SGCG: variants seen among roughly 807,000 people sequenced by gnomAD.
SGCG encodes the protein sarcoglycan gamma.
Under a neutral mutation model 29.3 loss-of-function variants are expected in SGCG, and 26 were observed. The observed-to-expected ratio is 0.89, with a 90% confidence interval of 0.65 to 1.23. SGCG has a LOEUF of 1.23. SGCG is among the 50% of genes most tolerant of loss of function. SGCG has a pLI of 0.00. For missense variants in SGCG, 353 were observed against 356.0 expected, an observed-to-expected ratio of 0.99 and a Z score of 0.07; for synonymous variants, 145 against 129.7, an observed-to-expected ratio of 1.12 and a Z score of -0.80.
chr13:23,196,143 A>G (rs577744557), intron 1 of SGCG, among the ~76,000 whole-genome samples: 2 of 152,254 alleles, frequency 1.3e-5, no homozygotes, highest in Non-Finnish European at 2.9e-5. Flanking sequence ...TATTTCACAT[A>G]CCCAAAATAC....
chr13:23,169,540 A>G, the SGCG span, among the ~76,000 whole-genome samples: 1 of 152,042 alleles, frequency 6.6e-6, no homozygotes, highest in Non-Finnish European at 1.5e-5. Flanking sequence ...TTAGTTGGGC[A>G]TAGTGGTGCA....
At chr13:23,313,365 A>G (rs948652447) in intron 6 of SGCG, among the ~76,000 whole-genome samples, 7 of 152,062 alleles carry the variant, frequency 4.6e-5, no homozygotes, top group Non-Finnish European at 7.4e-5. Context: ...GGGTTTCACC[A>G]TATTGGCCAG....
chr13:23,230,802 C>G (rs1593186043), intron 2 of SGCG, among the ~76,000 whole-genome samples: 3 of 152,146 alleles, frequency 2.0e-5, no homozygotes, highest in Admixed American at 2.0e-4. Flanking sequence ...ATTGCTCTGA[C>G]CAGGACCTCT....
chr13:23,293,320 A>G (rs1008766433), intron 5 of SGCG, among the ~76,000 whole-genome samples: 1 of 152,130 alleles, frequency 6.6e-6, no homozygotes, highest in East Asian at 1.9e-4. Context: ...AAATCATCCT[A>G]CTAAATCTGT....
At chr13:23,248,776 A>G (rs1354508440) in intron 3 of SGCG, among the ~76,000 whole-genome samples, 1 of 151,814 alleles carries the variant, frequency 6.6e-6, no homozygotes, top group African/African-American at 2.4e-5. Flanking sequence ...GCGGATCACG[A>G]GGTCAGGAAA....
intron 4 of SGCG, 131 bp from the exon 5 acceptor site, chr13:23,279,228 T>C: frequency 1.3e-6 from 1 of 797,660 alleles, no homozygotes; most frequent in East Asian, 2.9e-5. Flanking sequence ...AATCAATCAA[T>C]ACCACTAATG....
At chr13:23,188,256 G>A (rs1400439884) in intron 1 of SGCG, among the ~76,000 whole-genome samples, 1 of 147,816 alleles carries the variant, frequency 6.8e-6, no homozygotes, top group Non-Finnish European at 1.5e-5. Flanking sequence ...AAGTTGGCAG[G>A]TTCAGATCTT....
At chr13:23,248,090 C>CA (rs1202618903) in intron 3 of SGCG, among the ~76,000 whole-genome samples, 3 of 150,584 alleles carry the variant, frequency 2.0e-5, no homozygotes, top group African/African-American at 7.3e-5. Context: ...GCCTAGGCAA[C>CA]ATAGTGAGAC....
chr13:23,175,975 T>G, the SGCG span, among the ~76,000 whole-genome samples: 1 of 152,190 alleles, frequency 6.6e-6, no homozygotes, highest in Non-Finnish European at 1.5e-5. Context: ...TCATTTTGTT[T>G]ATGTGAAAGA....
At chr13:23,246,960 G>A (rs1477426605) in intron 3 of SGCG, 1 of 153,274 alleles carries the variant, frequency 6.5e-6, no homozygotes, top group Non-Finnish European at 1.5e-5. Flanking sequence ...CTCTTCTGCT[G>A]AGCAAGCCCG....
chr13:23,219,862 C>T (rs1267332485), intron 2 of SGCG, among the ~76,000 whole-genome samples: 2 of 120,258 alleles, frequency 1.7e-5, no homozygotes, highest in Non-Finnish European at 3.2e-5. Flanking sequence ...GACGGAGTCT[C>T]GCTCTGTCGC....
At chr13:23,299,028 A>G (rs2766107) in intron 6 of SGCG, among the ~76,000 whole-genome samples, 150,441 of 152,282 alleles carry the variant, frequency 0.99, 74,337 homozygotes, top group Middle Eastern at 1. Flanking sequence ...AACTGTGCTC[A>G]GTGCTGTCAC....
At chr13:23,228,973 C>A (rs185966237) in intron 2 of SGCG, among the ~76,000 whole-genome samples, 1 of 152,168 alleles carries the variant, frequency 6.6e-6, no homozygotes, top group Non-Finnish European at 1.5e-5. Context: ...CGAGTTCAAG[C>A]GATTCTCCAG....
chr13:23,203,739 A>G lies in SGCG; in HGVS notation c.45A>G (p.Ile15Met), dbSNP rs2137501268. 6.2e-7 allele frequency: 1 copy of G among 1,613,972 alleles called. No individual in the cohort carries two copies. Among genetic ancestry groups the G allele is most frequent in the Non-Finnish European group, 8.5e-7 (1 of 1,179,836 alleles). ...QYTTATEGIC[I>M]ERPENQYVYK... ...CTACAGCCACAGAAGGCATCTGCAT[A>G]GAGAGGCCAGAGAATCAGTATGTCT... The change falls in exon 2 of 8, where the codon ATA becomes ATG. Residue 15 changes from isoleucine (I) to methionine (M), a missense_variant. Ile to Met is a conservative substitution (Grantham distance 10, BLOSUM62 1). Transcript: ENST00000218867.
intron 2 of SGCG, among the ~76,000 whole-genome samples, chr13:23,229,262 G>A (rs1357101545): frequency 2.6e-5 from 4 of 152,036 alleles, no homozygotes; most frequent in African/African-American, 7.2e-5. Flanking sequence ...TGAACACAAC[G>A]CATGCATGTG....
chr13:23,274,256 G>A (rs9552902), intron 4 of SGCG, among the ~76,000 whole-genome samples: 96,942 of 151,696 alleles, frequency 0.64, 32,705 homozygotes, highest in Middle Eastern at 0.84. Context: ...TGTCCTCTCC[G>A]TGGCCTTCAC....
intron 6 of SGCG, among the ~76,000 whole-genome samples, chr13:23,312,230 TTAAA>T (rs751456335): frequency 1.6e-4 from 25 of 152,182 alleles, no homozygotes; most frequent in Admixed American, 3.9e-4. Context: ...AATTCCTCTT[TTAAA>T]TACAAAGCTG....
intron 6 of SGCG, among the ~76,000 whole-genome samples, chr13:23,315,468 G>C (rs540904865): frequency 3.3e-5 from 5 of 152,314 alleles, no homozygotes; most frequent in African/African-American, 4.8e-5. Context: ...CTCTTCCCCA[G>C]CCTGCACCAA....
intron 3 of SGCG, among the ~76,000 whole-genome samples, chr13:23,235,795 A>G (rs1167280744): frequency 1.3e-5 from 2 of 152,202 alleles, no homozygotes; most frequent in African/African-American, 4.8e-5. Flanking sequence ...AGGGTATTTC[A>G]GTATCTCCTA....
Sources: gnomAD v4.1 joint callset for allele counts (sites outside exome capture counted in the v4.1 genomes callset) on GRCh38, gnomAD v4.1.1 for gene constraint, MANE v1.5 for transcripts, NCBI Gene and HGNC (gene_info 2026-07-23, HGNC 2026-07-21) for gene names.